The following CHD2 variants were observed in gnomAD, a reference collection of about 807,000 sequenced individuals.
CHD2 encodes chromodomain helicase DNA binding protein 2, also known as ATP-dependent chromatin remodeler CHD2.
In CHD2, 28 loss-of-function variants were observed where a neutral mutation model predicts 243.9. The observed-to-expected ratio is 0.11, with a 90% CI of 0.09 to 0.16. The LOEUF is 0.16. CHD2 is among the 10% of genes least tolerant of loss of function. The probability of loss-of-function intolerance (pLI) is 1.00; values close to 1 mark genes in which losing one functional copy is unlikely to be tolerated. For synonymous variants in CHD2, 775 were observed against 779.0 expected (o/e 0.99, Z 0.09); for missense variants, 1,386 against 2,209.8 (o/e 0.63, Z 7.47).
Position 93,026,518 on chromosome 15 carries a change from A to T in CHD2, c.*1813A>T, listed in dbSNP as rs1165848495. On this transcript the variant is annotated 3_prime_UTR_variant, in exon 39 of 39. Transcript: ENST00000394196. The stretch of plus-strand genomic sequence containing the variant: ...TCAGTGGACCCACCCCGCTTGCTGA[A>T]CCCTCACAGTTCTTGGGGTTGTCCA... 6.6e-6 allele frequency: 1 copy of T among 152,170 alleles called. No individual in the cohort carries two copies. The highest frequency in any genetic ancestry group is 1.5e-5 in the Non-Finnish European group (1 of 68,054). 9.4% of individuals were successfully genotyped at this position (152,170 alleles called of 1,614,324 possible).
chr15:92,907,713 T>C (rs1386775262), intron 2 of CHD2, among the ~76,000 whole-genome samples: 1 of 152,216 alleles, frequency 6.6e-6, no homozygotes, highest in Non-Finnish European at 1.5e-5. Context: ...ATAGTGCCCA[T>C]AAAATGCTTA....
rs1031633653 is a variant in CHD2, at chr15:92,947,867, G to A, written c.1378-1085G>A. 2.6e-5 allele frequency among the ~76,000 whole-genome samples: 4 copies of A among 152,172 alleles called. No homozygotes were observed. In the East Asian group the frequency reaches 7.7e-4, roughly 29 times the overall value. ...CCTTATCAAATATTCTTATTAGAATGATACTTCTCATAATGTGTGCTATAG... is the reference window on the plus strand; with the variant it reads ...CCTTATCAAATATTCTTATTAGAATAATACTTCTCATAATGTGTGCTATAG... On this transcript the variant is annotated intron_variant, in intron 12 of 38. Coordinates refer to ENST00000394196, the MANE Select transcript of CHD2 (RefSeq NM_001271.4).
intron 20 of CHD2, among the ~76,000 whole-genome samples, chr15:92,975,406 G>A (rs2053894419): frequency 6.6e-6 from 1 of 152,200 alleles, no homozygotes; most frequent in Non-Finnish European, 1.5e-5. Flanking sequence ...AATCAGTGTC[G>A]AGCTTGGATT....
intron 13 of CHD2, among the ~76,000 whole-genome samples, chr15:92,951,755 C>T (rs963287231): frequency 6.6e-6 from 1 of 152,140 alleles, no homozygotes; most frequent in Non-Finnish European, 1.5e-5. Flanking sequence ...TATACTACAT[C>T]GTTTAAACTG....
intron 28 of CHD2, among the ~76,000 whole-genome samples, chr15:92,995,680 G>A (rs988014810): frequency 1.3e-5 from 2 of 151,866 alleles, no homozygotes; most frequent in African/African-American, 4.8e-5. Flanking sequence ...GGTTGTTTTC[G>A]GTCTTTTGTT....
intron 2 of CHD2, among the ~76,000 whole-genome samples, chr15:92,903,569 CTTTAAAAAACGCGATTTTAAAAA>C (rs2052561233): frequency 6.6e-6 from 1 of 152,022 alleles, no homozygotes; most frequent in Admixed American, 6.6e-5. Flanking sequence ...AAATTAAAAA[CTTTAAAAAACGCGATTTTAAAAA>C]CATTTGATTG....
At chr15:92,911,218 G>A (rs1402986159) in intron 2 of CHD2, among the ~76,000 whole-genome samples, 1 of 152,164 alleles carries the variant, frequency 6.6e-6, no homozygotes, top group Non-Finnish European at 1.5e-5. Flanking sequence ...CTAAATAATA[G>A]CATGTATACT....
chr15:92,925,084 A>G (rs2053033804), intron 3 of CHD2, among the ~76,000 whole-genome samples: 1 of 152,266 alleles, frequency 6.6e-6, no homozygotes, highest in South Asian at 2.1e-4. Flanking sequence ...TATAGACCTG[A>G]GCCACCATGC....
At chr15:92,920,273 A>G (rs1370942214) in intron 2 of CHD2, among the ~76,000 whole-genome samples, 2 of 152,252 alleles carry the variant, frequency 1.3e-5, no homozygotes, top group African/African-American at 4.8e-5. Context: ...TTATGGTTAC[A>G]GTCAACAGTT....
intron 12 of CHD2, chr15:92,947,343 A>C (rs974325640): frequency 1.3e-5 from 2 of 152,232 alleles, no homozygotes; most frequent in African/African-American, 4.8e-5. Flanking sequence ...TACAGACAAG[A>C]GGGGGCCCAG....
Position 93,000,714 on chromosome 15 carries a change from C to G in CHD2, c.4137+74C>G, listed in dbSNP as rs575982358. 87 of 1,462,738 alleles carry G rather than the reference C, an allele frequency of 5.9e-5. No homozygotes were observed. In the African/African-American group the frequency reaches 1.2e-3, roughly 19 times the overall value. The allele number at this position is 1,462,738 out of a possible 1,614,324, so 90.6% of individuals were successfully genotyped here. A position where few individuals can be genotyped will look rare whatever the true frequency, so the allele number is the denominator to read the frequency against. ...CTTATCATGCCAGCTGGAATAAAAT[C>G]ATCTGAAATGTGTTTGGTTTACGAG... On this transcript the variant is annotated intron_variant, in intron 32 of 38. Coordinates refer to ENST00000394196, the MANE Select transcript of CHD2 (RefSeq NM_001271.4).
rs773814385 is a variant in CHD2, at chr15:93,024,447, A to G, written c.5229A>G (p.Arg1743=). ...PQNYHQQDFR[R]MSDHRPAMGY... The stretch of plus-strand genomic sequence containing the variant: ...ATTACCACCAGCAGGATTTCCGACG[A>G]ATGTCTGATCACCGCCCCGCTATGG... Residue 1743 remains arginine (R), a synonymous_variant, in exon 39 of 39, where the codon CGA becomes CGG. Transcript: ENST00000394196. 1.6e-5 allele frequency: 26 copies of G among 1,614,044 alleles called. No homozygotes were observed. The highest frequency in any genetic ancestry group is 2.2e-5 in the Non-Finnish European group (26 of 1,180,040).
intron 19 of CHD2, chr15:92,973,908 C>G (rs897457040): frequency 6.6e-6 from 1 of 152,192 alleles, no homozygotes; most frequent in Non-Finnish European, 1.5e-5. Context: ...GTTTAAGGCT[C>G]TGAGTAGAGT....
intron 2 of CHD2, among the ~76,000 whole-genome samples, chr15:92,921,202 C>G (rs1346209314): frequency 6.6e-6 from 1 of 151,856 alleles, no homozygotes; most frequent in Non-Finnish European, 1.5e-5. Context: ...GATACCTAAG[C>G]CCACAAAATT....
In CHD2 at chr15:92,929,071, C is replaced by A; in HGVS notation, c.423C>A (p.Gly141=). The A allele has an allele frequency of 6.2e-7, 1 of 1,609,904 alleles. No homozygotes were observed. The highest frequency in any genetic ancestry group is 8.5e-7 in the Non-Finnish European group (1 of 1,177,630). ...GSESGSPKRR[G]QRQLKKQEKW... ...AGAGTGGGAGCCCAAAAAGAAGAGG[C>A]CAGAGGCAGCTGAAAAAACAGTAAG... The change falls in exon 5 of 39, where the codon GGC becomes GGA. Residue 141 remains glycine (G), a synonymous_variant. Transcript: ENST00000394196.
intron 25 of CHD2, 35 bp downstream of exon 25, chr15:92,984,535 C>T (rs1310252222): frequency 7.0e-5 from 110 of 1,572,990 alleles, no homozygotes; most frequent in Non-Finnish European, 8.8e-5. Flanking sequence ...GAAATTATTT[C>T]TTATGTTGTG....
At chr15:93,019,794 C>T (rs1269458838) in intron 37 of CHD2, among the ~76,000 whole-genome samples, 1 of 152,076 alleles carries the variant, frequency 6.6e-6, no homozygotes, top group Admixed American at 6.5e-5. Flanking sequence ...ATTGGGCAGG[C>T]ATGGTGGCGG....
chr15:92,969,027 A>T (rs975658525), intron 17 of CHD2, among the ~76,000 whole-genome samples: 9 of 152,344 alleles, frequency 5.9e-5, no homozygotes, highest in African/African-American at 2.2e-4. Context: ...TTTACTAGGA[A>T]ATGATATTTG....
chr15:92,928,921 C>T, intron 4 of CHD2, 109 bp from the exon 5 acceptor site: 1 of 946,682 alleles, frequency 1.1e-6, no homozygotes, highest in East Asian at 2.7e-5. Context: ...TCTAAAAGCT[C>T]ATATTGAATA....
Sources: gnomAD v4.1 joint callset for allele counts (sites outside exome capture counted in the v4.1 genomes callset) on GRCh38, gnomAD v4.1.1 for gene constraint, MANE v1.5 for transcripts, NCBI Gene and HGNC (gene_info 2026-07-23, HGNC 2026-07-21) for gene names.